The following SCTR variants were observed in gnomAD, a reference collection of about 807,000 sequenced individuals.
SCTR encodes secretin receptor.
A neutral mutation model predicts 60.8 loss-of-function variants in SCTR; 56 were observed. The observed-to-expected ratio is 0.92, with a 90% confidence interval of 0.74 to 1.15. The LOEUF (loss-of-function observed/expected upper bound fraction) is 1.15, where lower values mean the gene tolerates loss of function less well. Ranked by LOEUF, SCTR falls within the 50% of genes most tolerant of loss-of-function variation. SCTR has a pLI of 0.00. For synonymous variants in SCTR, 202 were observed against 217.0 expected, an observed-to-expected ratio of 0.93 and a Z score of 0.61; for missense variants, 562 against 550.4, an observed-to-expected ratio of 1.02 and a Z score of -0.21.
At chr2:119,464,069 G>A in intron 6 of SCTR, 54 bp downstream of exon 6, 2 of 1,597,336 alleles carry the variant, frequency 1.3e-6, no homozygotes, top group Non-Finnish European at 1.7e-6. Flanking sequence ...TCCAAAGCTA[G>A]GCTGGGGAAG....
chr2:119,513,757 A>T (rs1179987531), intron 1 of SCTR, among the ~76,000 whole-genome samples: 3 of 152,198 alleles, frequency 2.0e-5, no homozygotes, highest in Non-Finnish European at 2.9e-5. Flanking sequence ...TCTGAAGAGA[A>T]CGGCTTTCTG....
chr2:119,493,745 G>A lies in SCTR; in HGVS notation c.193+683C>T, dbSNP rs150402486. Among the ~76,000 whole-genome samples the A allele has an allele frequency of 3.6e-3, 539 of 151,090 alleles. 4 individuals carry two copies. Among genetic ancestry groups the A allele is most frequent in the African/African-American group, 0.012 (492 of 41,176 alleles). On this transcript the variant is annotated intron_variant, in intron 2 of 12. Transcript: ENST00000019103. ...CAACCTCTGCATCCCGGGTTCAAGC[G>A]ATTCTCCTGCCTCAGCCTCCCTAGT...
At chr2:119,467,366 C>T (rs1289011091) in intron 4 of SCTR, among the ~76,000 whole-genome samples, 1 of 148,390 alleles carries the variant, frequency 6.7e-6, no homozygotes, top group Non-Finnish European at 1.5e-5. Flanking sequence ...GCTGGAGACC[C>T]TGTCTCAAAA....
intron 1 of SCTR, among the ~76,000 whole-genome samples, chr2:119,519,797 T>C (rs1298305862): frequency 8.9e-6 from 1 of 112,230 alleles, no homozygotes; most frequent in Non-Finnish European, 1.6e-5. Context: ...CAGAGTGAGA[T>C]GAGACTCTGT....
intron 2 of SCTR, among the ~76,000 whole-genome samples, chr2:119,481,252 G>A (rs1194759268): frequency 6.6e-6 from 1 of 152,224 alleles, no homozygotes; most frequent in East Asian, 1.9e-4. Context: ...GCAAGAACCT[G>A]TTTTTAGGCA....
At chr2:119,446,017 A>G (rs992918677) in intron 11 of SCTR, among the ~76,000 whole-genome samples, 16 of 152,232 alleles carry the variant, frequency 1.1e-4, no homozygotes, top group African/African-American at 3.9e-4. Flanking sequence ...GGCATTGTGA[A>G]GTTTGGGATT....
intron 1 of SCTR, among the ~76,000 whole-genome samples, chr2:119,522,171 C>T (rs1010740849): frequency 2.6e-5 from 4 of 152,140 alleles, no homozygotes; most frequent in Non-Finnish European, 4.4e-5. Flanking sequence ...TGGCACATGC[C>T]TGTAATCCCA....
rs531940857 is a variant in SCTR, at chr2:119,464,181, A to G, written c.578T>C (p.Phe193Ser). 5 of 1,614,170 alleles carry G rather than the reference A, an allele frequency of 3.1e-6. No individual in the cohort carries two copies. In the East Asian group the frequency reaches 8.9e-5, roughly 29 times the overall value. ...GGAGAAGAGCACGGCGTCCTTGATGAAGTTGGACAGGGCACGAAGGATGAA... is the reference window on the plus strand; with the variant it reads ...GGAGAAGAGCACGGCGTCCTTGATGGAGTTGGACAGGGCACGAAGGATGAA... Reference protein sequence around the residue: ...VSFILRALSNFIKDAVLFSSD... With the variant: ...VSFILRALSNSIKDAVLFSSD... Residue 193 changes from phenylalanine (F) to serine (S), a missense_variant, in exon 6 of 13, where the codon TTC becomes TCC. Transcript: ENST00000019103.
chr2:119,457,340 A>T (rs1001704910), intron 7 of SCTR, among the ~76,000 whole-genome samples: 41 of 152,232 alleles, frequency 2.7e-4, no homozygotes, highest in African/African-American at 9.2e-4. Context: ...CATAGATATA[A>T]TAATGTATAC....
intron 1 of SCTR, 126 bp from the exon 2 acceptor site, chr2:119,494,674 GATCTCCT>G: frequency 1.0e-6 from 1 of 971,386 alleles, no homozygotes; most frequent in Non-Finnish European, 1.5e-6. Context: ...TGCCTGCAAG[GATCTCCT>G]GGTCTGCAGG....
intron 4 of SCTR, among the ~76,000 whole-genome samples, 184 bp from the exon 5 acceptor site, chr2:119,466,070 T>A (rs1448272653): frequency 6.6e-6 from 1 of 151,938 alleles, no homozygotes; most frequent in Non-Finnish European, 1.5e-5. Flanking sequence ...CCCTTAGGGA[T>A]CATCTGATGA....
At chr2:119,488,471 G>A (rs1465265447) in intron 2 of SCTR, among the ~76,000 whole-genome samples, 2 of 152,258 alleles carry the variant, frequency 1.3e-5, no homozygotes, top group Non-Finnish European at 2.9e-5. Flanking sequence ...TGGATGCACG[G>A]TCAGGACCTG....
Position 119,495,604 on chromosome 2 carries a change from T to A in SCTR, c.73-1056A>T, listed in dbSNP as rs371229247. 13 of 152,384 alleles carry A rather than the reference T, an allele frequency of 8.5e-5. No homozygotes were observed. The East Asian group carries it at 1.7e-3, about 20-fold the overall frequency. 9.4% of individuals were successfully genotyped at this position (152,384 alleles called of 1,614,324 possible). A position where few individuals can be genotyped will look rare whatever the true frequency, so the allele number is the denominator to read the frequency against. On this transcript the variant is annotated intron_variant, in intron 1 of 12. Transcript: ENST00000019103. ...AAGTTCTGGGCCAGAGAAGGACAGCTAAGGTAGCACTATGGTCAAATGGCT... is the reference window on the plus strand; with the variant it reads ...AAGTTCTGGGCCAGAGAAGGACAGCAAAGGTAGCACTATGGTCAAATGGCT...
chr2:119,496,479 G>T (rs1678351485), intron 1 of SCTR, among the ~76,000 whole-genome samples: 1 of 152,180 alleles, frequency 6.6e-6, no homozygotes, highest in African/African-American at 2.4e-5. Context: ...CCAGAAAAAT[G>T]GGTTAGATGT....
chr2:119,475,608 A>ATG (rs1458356002), intron 3 of SCTR, among the ~76,000 whole-genome samples: 1 of 146,978 alleles, frequency 6.8e-6, no homozygotes, highest in African/African-American at 2.5e-5. Context: ...TTGTGCATAT[A>ATG]TATATATATA....
chr2:119,464,383 T>C, intron 5 of SCTR, 128 bp from the exon 6 acceptor site: 2 of 862,566 alleles, frequency 2.3e-6, no homozygotes, highest in Admixed American at 4.4e-5. Flanking sequence ...GGTAACACAT[T>C]CTGTGAGCAT....
chr2:119,490,151 A>G (rs1036665440), intron 2 of SCTR, among the ~76,000 whole-genome samples: 5 of 152,196 alleles, frequency 3.3e-5, no homozygotes, highest in Non-Finnish European at 7.3e-5. Flanking sequence ...TGAATGCCAT[A>G]AGACCATGGT....
At chr2:119,456,411 C>A (rs13410258) in intron 7 of SCTR, among the ~76,000 whole-genome samples, 2 of 151,876 alleles carry the variant, frequency 1.3e-5, no homozygotes, top group South Asian at 2.1e-4. Flanking sequence ...GAAGGTTGAA[C>A]GAAGATATCT....
At chr2:119,500,918 G>T (rs904600210) in intron 1 of SCTR, among the ~76,000 whole-genome samples, 1 of 152,036 alleles carries the variant, frequency 6.6e-6, no homozygotes. Flanking sequence ...AATATTTAAG[G>T]TGATGGCTAT....
Sources: allele counts gnomAD v4.1 joint callset (sites outside exome capture counted in the v4.1 genomes callset), GRCh38; gene constraint gnomAD v4.1.1; transcripts MANE v1.5; gene names NCBI Gene and HGNC (gene_info 2026-07-23, HGNC 2026-07-21).